ETNK2: variants seen among roughly 807,000 people sequenced by gnomAD.
ETNK2 encodes ethanolamine kinase-like protein.
In ETNK2, 33 loss-of-function variants were observed where a neutral mutation model predicts 46.2. The observed-to-expected ratio is 0.71, with a 90% CI of 0.54 to 0.96. ETNK2 has a LOEUF of 0.96. Among genes scored for constraint, ETNK2 ranks in the 40% least tolerant of loss-of-function variants. The probability of loss-of-function intolerance (pLI) is 0.00; values close to 1 mark genes in which losing one functional copy is unlikely to be tolerated. For missense variants in ETNK2, 445 were observed against 509.7 expected, an observed-to-expected ratio of 0.87 and a Z score of 1.22; for synonymous variants, 194 against 209.0, an observed-to-expected ratio of 0.93 and a Z score of 0.62.
chr1:204,146,517 G>C (rs1657787080), intron 3 of ETNK2, 125 bp downstream of exon 3: 2 of 1,166,630 alleles, frequency 1.7e-6, no homozygotes, highest in African/African-American at 3.1e-5. Context: ...GACTGCAGGA[G>C]AAACTCCCCA....
intron 3 of ETNK2, among the ~76,000 whole-genome samples, chr1:204,144,701 C>A (rs932388344): frequency 1.3e-5 from 2 of 152,180 alleles, no homozygotes; most frequent in Non-Finnish European, 2.9e-5. Flanking sequence ...CTAGCTCCAA[C>A]TCTGTAGTCC....
At chr1:204,136,238 G>C (rs561053219) in intron 6 of ETNK2, among the ~76,000 whole-genome samples, 2 of 151,264 alleles carry the variant, frequency 1.3e-5, no homozygotes, top group South Asian at 4.2e-4. Context: ...TCCACAAAAA[G>C]TTTAAAGAAA....
Position 204,137,174 on chromosome 1 carries a change from G to A in ETNK2, c.944C>T (p.Ala315Val). ...QLQWLHYYLQ[A>V]QKGMAVTPRE... Reference sequence around the variant, plus strand: ...GGGGGTCACGGCCATCCCCTTTTGTGCCTGCAGGTAGTAGTGCAGCCACTG... The same window carrying A: ...GGGGGTCACGGCCATCCCCTTTTGTACCTGCAGGTAGTAGTGCAGCCACTG... Residue 315 changes from alanine (A) to valine (V), a missense_variant, in exon 6 of 8, where the codon GCA becomes GTA. Transcript: ENST00000367202. 3 of 1,613,974 alleles carry A rather than the reference G, an allele frequency of 1.9e-6. No homozygotes were observed. The highest frequency in any genetic ancestry group is 2.2e-5 in the South Asian group (2 of 91,074).
At chr1:204,149,440 G>T (rs1041410908) in intron 2 of ETNK2, among the ~76,000 whole-genome samples, 3 of 152,332 alleles carry the variant, frequency 2.0e-5, no homozygotes, top group African/African-American at 7.2e-5. Flanking sequence ...CCAGGAAGCA[G>T]ATCTCTGCCG....
Position 204,151,711 on chromosome 1 carries a change from C to T in ETNK2, c.142G>A (p.Ala48Thr), listed in dbSNP as rs1214639121. Residue 48 changes from alanine (A) to threonine (T), a missense_variant, in exon 1 of 8, where the codon GCC (alanine) becomes ACC (threonine). By Grantham distance (58) the Ala-to-Thr change is moderately conservative. Coordinates refer to ENST00000367202, the MANE Select transcript of ETNK2 (RefSeq NM_018208.4). The surrounding 1 kb of genome is among the most constrained non-coding windows in gnomAD (Gnocchi z 8.0). ...ATGCCGAAGTACGCGACGGCGGCGG[C>T]CCTCGGGGGGCCCGGCGGCTCCCGG... ...SCREPPGPPR[A>T]AAVAYFGISV... 8 of 1,543,758 alleles carry T rather than the reference C, an allele frequency of 5.2e-6. No individual in the cohort carries two copies. Among genetic ancestry groups the T allele is most frequent in the Non-Finnish European group, 7.0e-6 (8 of 1,144,278 alleles).
Position 204,151,172 on chromosome 1 carries a change from TGGA to T in ETNK2, c.258+420_258+422del, listed in dbSNP as rs1304736203. On this transcript the variant is annotated intron_variant, in intron 1 of 7. Transcript: ENST00000367202. The surrounding 1 kb of genome is among the most constrained non-coding windows in gnomAD (Gnocchi z 8.0). Reference sequence around the variant, plus strand: ...TGGAGGATTTGCTCCCACCATGGGGTGGAGAAGGGGCAGCAATGTATGCATGTA... The same window carrying T: ...TGGAGGATTTGCTCCCACCATGGGGTGAAGGGGCAGCAATGTATGCATGTA... 1.1e-5 allele frequency: 2 copies of T among 180,666 alleles called. No homozygotes were observed. The highest frequency in any genetic ancestry group is 9.7e-5 in the Admixed American group (1 of 10,264). The allele number at this position is 180,666 out of a possible 1,614,324, so 11.2% of individuals were successfully genotyped here. A position where few individuals can be genotyped will look rare whatever the true frequency, so the allele number is the denominator to read the frequency against.
Position 204,151,585 on chromosome 1 carries a change from A to C in ETNK2, c.258+10T>G. On this transcript the variant is annotated intron_variant, in intron 1 of 7. Coordinates refer to ENST00000367202, the MANE Select transcript of ETNK2 (RefSeq NM_018208.4). The surrounding 1 kb of genome is among the most constrained non-coding windows in gnomAD (Gnocchi z 8.0). ...GGACCCCATCCTCGGCCCCGCGCCC[A>C]CTCCGCTACCTTGGTCCGAACTTGC... The C allele has an allele frequency of 6.5e-7, 1 of 1,548,140 alleles. No individual in the cohort carries two copies. Among genetic ancestry groups the C allele is most frequent in the Non-Finnish European group, 8.7e-7 (1 of 1,145,880 alleles).
chr1:204,145,060 G>T (rs192623691), intron 3 of ETNK2, among the ~76,000 whole-genome samples: 1 of 152,190 alleles, frequency 6.6e-6, no homozygotes, highest in Non-Finnish European at 1.5e-5. Flanking sequence ...ATAATTCAGG[G>T]TTATTAGGCA....
chr1:204,145,446 C>T (rs1331211760), intron 3 of ETNK2, among the ~76,000 whole-genome samples: 1 of 152,236 alleles, frequency 6.6e-6, no homozygotes, highest in Admixed American at 6.5e-5. Flanking sequence ...CAAATAACAG[C>T]TGTGGGCTGA....
rs559449870 is a variant in ETNK2 at position 204,151,807 on chromosome 1, G to A, written c.46C>T (p.Leu16=). 1.9e-5 allele frequency: 28 copies of A among 1,488,138 alleles called. No individual in the cohort carries two copies. The highest frequency in any genetic ancestry group is 2.4e-5 in the Non-Finnish European group (27 of 1,122,344). The allele number at this position is 1,488,138 out of a possible 1,614,324, so 92.2% of individuals were successfully genotyped here. The stretch of plus-strand genomic sequence containing the variant: ...TGCGGGCAAGGCGTGTGCCTCCTCA[G>A]GTGAAAGGACGCGCGCGGCTGAGGG... ...SAPQPRASFH[L]RRHTPCPQCS... The change falls in exon 1 of 8, where the codon CTG becomes TTG. Residue 16 remains leucine, a synonymous_variant. Coordinates refer to ENST00000367202, the MANE Select transcript of ETNK2 (RefSeq NM_018208.4). The surrounding 1 kb of genome is among the most constrained non-coding windows in gnomAD (Gnocchi z 8.0).
At position 204,151,965 on chromosome 1, in the gene ETNK2, G is replaced by A. The variant is rs1571640364; in HGVS notation, c.-113C>T. 2 of 1,123,486 alleles carry A rather than the reference G, an allele frequency of 1.8e-6. No homozygotes were observed. The highest frequency in any genetic ancestry group is 2.3e-6 in the Non-Finnish European group (2 of 873,412). 69.6% of individuals were successfully genotyped at this position (1,123,486 alleles called of 1,614,324 possible). On this transcript the variant is annotated 5_prime_UTR_variant, in exon 1 of 8. Coordinates refer to ENST00000367202, the MANE Select transcript of ETNK2 (RefSeq NM_018208.4). The surrounding 1 kb of genome is among the most constrained non-coding windows in gnomAD (Gnocchi z 8.0). ...GCCAGGGGAAGTCCATGACTCAGGC[G>A]CGAGCTGCCCGCTTCGATCGCCGGC...
At chr1:204,140,442 C>G (rs934744320) in intron 4 of ETNK2, among the ~76,000 whole-genome samples, 1 of 152,136 alleles carries the variant, frequency 6.6e-6, no homozygotes, top group Non-Finnish European at 1.5e-5. Context: ...AGTATTAATA[C>G]GCCCTGGGGT....
chr1:204,141,085 C>T (rs1657506845), intron 4 of ETNK2: 4 of 629,822 alleles, frequency 6.4e-6, no homozygotes, highest in Non-Finnish European at 1.2e-5. Flanking sequence ...CTTGGCCTCC[C>T]AAACTGCTGG....
intron 2 of ETNK2, chr1:204,147,532 C>T (rs1426262561): frequency 1.9e-6 from 1 of 533,284 alleles, no homozygotes; most frequent in African/African-American, 1.9e-5. Context: ...CCCTCCCAGT[C>T]CTCTTCCAGT....
chr1:204,136,172 G>A (rs1267532534), intron 6 of ETNK2, among the ~76,000 whole-genome samples: 1 of 152,072 alleles, frequency 6.6e-6, no homozygotes, highest in Admixed American at 6.6e-5. Context: ...GAGGTGGGAG[G>A]ATCATTTGAG....
chr1:204,151,588 C>G lies in ETNK2; in HGVS notation c.258+7G>C. 6.5e-7 allele frequency: 1 copy of G among 1,549,042 alleles called. No individual in the cohort carries two copies. The highest frequency in any genetic ancestry group is 8.7e-7 in the Non-Finnish European group (1 of 1,146,236). ...CCCCATCCTCGGCCCCGCGCCCACT[C>G]CGCTACCTTGGTCCGAACTTGCTCG... On this transcript the variant is annotated splice_region_variant and intron_variant, in intron 1 of 7. Coordinates refer to ENST00000367202, the MANE Select transcript of ETNK2 (RefSeq NM_018208.4). This position sits in a 1 kb window ranked among gnomAD's most constrained non-coding sequence, Gnocchi z 8.0.
intron 7 of ETNK2, among the ~76,000 whole-genome samples, chr1:204,133,042 C>T (rs916077227): frequency 6.6e-6 from 1 of 152,080 alleles, no homozygotes; most frequent in African/African-American, 2.4e-5. Context: ...GCTTATTTAG[C>T]GTAATGTCCT....
chr1:204,133,594 G>C (rs1360057421), intron 7 of ETNK2, among the ~76,000 whole-genome samples: 1 of 150,026 alleles, frequency 6.7e-6, no homozygotes, highest in Non-Finnish European at 1.5e-5. Flanking sequence ...TGCAGTGGCG[G>C]GATCTCGGCT....
intron 6 of ETNK2, among the ~76,000 whole-genome samples, chr1:204,134,895 C>T (rs1018115169): frequency 1.3e-5 from 2 of 152,158 alleles, no homozygotes; most frequent in African/African-American, 4.8e-5. Flanking sequence ...CTAAGCAGGA[C>T]CCACACTCCA....
Sources: allele counts gnomAD v4.1 joint callset (sites outside exome capture counted in the v4.1 genomes callset), GRCh38; gene constraint gnomAD v4.1.1; non-coding constraint Gnocchi (gnomAD v3.1); transcripts MANE v1.5; gene names NCBI Gene and HGNC (gene_info 2026-07-23, HGNC 2026-07-21).